Variants in CLINT1 observed in about 807,000 individuals in gnomAD.
The protein encoded by CLINT1 is clathrin interacting protein localized in the trans-Golgi region.
Under a neutral mutation model 70.4 loss-of-function variants are expected in CLINT1, and 15 were observed. The observed-to-expected ratio is 0.21, with a 90% confidence interval of 0.14 to 0.33. The LOEUF (loss-of-function observed/expected upper bound fraction) is 0.33, where lower values mean the gene tolerates loss of function less well. Ranked by LOEUF, CLINT1 falls within the 10% of genes least tolerant of loss-of-function variation. CLINT1 has a pLI of 1.00. For synonymous variants in CLINT1, 227 were observed against 254.7 expected (o/e 0.89, Z 1.04); for missense variants, 615 against 778.1 (o/e 0.79, Z 2.49).
intron 8 of CLINT1, chr5:157,796,277 C>T (rs1762064899): frequency 6.6e-6 from 1 of 152,174 alleles, no homozygotes; most frequent in South Asian, 2.1e-4. Flanking sequence ...CGTAACATTA[C>T]ATTCTGACAT....
intron 7 of CLINT1, among the ~76,000 whole-genome samples, chr5:157,804,252 T>C (rs550180483): frequency 9.8e-5 from 15 of 152,286 alleles, no homozygotes; most frequent in South Asian, 6.2e-4. Flanking sequence ...AAACTTATTG[T>C]TTGTATATCA....
chr5:157,823,488 T>C (rs570484985), intron 1 of CLINT1, among the ~76,000 whole-genome samples: 38 of 152,302 alleles, frequency 2.5e-4, no homozygotes, highest in African/African-American at 8.9e-4. Flanking sequence ...AACTAAAATA[T>C]ATACATACAG....
rs778280320 is a variant in CLINT1 at position 157,813,231 on chromosome 5, T to C, written c.353-4A>G. ...CCTTGATCCTTACCATGCTCATCTA[T>C]GAGGATGGTAAGAGATAAGCAAAAC... is the stretch of plus-strand genomic sequence containing the variant. On this transcript the variant is annotated splice_polypyrimidine_tract_variant and splice_region_variant and intron_variant, in intron 4 of 11. Transcript: ENST00000411809. The C allele has an allele frequency of 2.5e-5, 41 of 1,611,098 alleles. No homozygotes were observed. Among genetic ancestry groups the C allele is most frequent in the Non-Finnish European group, 3.5e-5 (41 of 1,179,372 alleles).
intron 1 of CLINT1, among the ~76,000 whole-genome samples, chr5:157,852,678 A>G (rs552084943): frequency 3.9e-5 from 6 of 152,240 alleles, no homozygotes; most frequent in Non-Finnish European, 8.8e-5. Flanking sequence ...ATTCTAACAC[A>G]TAAGATCACC....
chr5:157,791,620 G>A (rs1206633241), intron 10 of CLINT1, 83 bp downstream of exon 10: 3 of 1,309,544 alleles, frequency 2.3e-6, no homozygotes, highest in Non-Finnish European at 3.2e-6. Context: ...TTATTTTTCT[G>A]TTTTATACTA....
chr5:157,818,850 A>T (rs1762797340), intron 1 of CLINT1, among the ~76,000 whole-genome samples: 1 of 152,188 alleles, frequency 6.6e-6, no homozygotes, highest in South Asian at 2.1e-4. Flanking sequence ...AAGACTGCAA[A>T]AATGTGACAT....
chr5:157,822,092 G>A (rs545692278), intron 1 of CLINT1, among the ~76,000 whole-genome samples: 4 of 152,182 alleles, frequency 2.6e-5, no homozygotes, highest in African/African-American at 9.6e-5. Context: ...ATCTTGAATT[G>A]TACTCTCATA....
intron 1 of CLINT1, among the ~76,000 whole-genome samples, chr5:157,847,973 A>G (rs1753439059): frequency 6.6e-6 from 1 of 151,870 alleles, no homozygotes; most frequent in Non-Finnish European, 1.5e-5. Context: ...CACCTGACTA[A>G]TTTTTGTATT....
intron 8 of CLINT1, among the ~76,000 whole-genome samples, chr5:157,803,131 T>C (rs1332355462): frequency 1.3e-5 from 2 of 152,184 alleles, no homozygotes; most frequent in Non-Finnish European, 2.9e-5. Context: ...GACAGTAAAA[T>C]GCGCAGAGCA....
chr5:157,856,190 G>A (rs2113347949), intron 1 of CLINT1, among the ~76,000 whole-genome samples: 1 of 152,166 alleles, frequency 6.6e-6, no homozygotes, highest in South Asian at 2.1e-4. Flanking sequence ...GTCTACAGAG[G>A]ATAATGGCTC....
intron 6 of CLINT1, chr5:157,808,981 C>G (rs1762464876): frequency 6.6e-6 from 1 of 152,064 alleles, no homozygotes; most frequent in African/African-American, 2.4e-5. Context: ...AGACTACTAG[C>G]TTGAATAAAA....
chr5:157,853,261 C>A (rs1753634165), intron 1 of CLINT1, among the ~76,000 whole-genome samples: 3 of 151,378 alleles, frequency 2.0e-5, no homozygotes, highest in Non-Finnish European at 4.4e-5. Flanking sequence ...CTCGCTGGAA[C>A]CTGGGAGGCA....
chr5:157,813,209 T>G lies in CLINT1; in HGVS notation c.371A>C (p.Gln124Pro). The change falls in exon 5 of 12, where the codon CAA (glutamine) becomes CCA (proline). Residue 124 changes from glutamine to proline, a missense_variant. Gln to Pro is a moderately conservative substitution (Grantham distance 76). Coordinates refer to ENST00000411809, the MANE Select transcript of CLINT1 (RefSeq NM_014666.4). The stretch of plus-strand genomic sequence containing the variant: ...CACCTTCTGTCGAATATTTATACCT[T>G]GATCCTTACCATGCTCATCTATGAG... ...YHFVDEHGKD[Q>P]GINIRQKVKE... is the part of the protein sequence containing the mutation. 6.2e-7 allele frequency: 1 copy of G among 1,613,150 alleles called. No homozygotes were observed. The highest frequency in any genetic ancestry group is 1.1e-5 in the South Asian group (1 of 91,070).
At chr5:157,852,527 T>C (rs1394548746) in intron 1 of CLINT1, among the ~76,000 whole-genome samples, 1 of 152,226 alleles carries the variant, frequency 6.6e-6, no homozygotes, top group African/African-American at 2.4e-5. Flanking sequence ...TTTTCTAGTG[T>C]TATACTGTTT....
At chr5:157,854,462 G>C (rs2113342730) in intron 1 of CLINT1, among the ~76,000 whole-genome samples, 1 of 152,260 alleles carries the variant, frequency 6.6e-6, no homozygotes, top group South Asian at 2.1e-4. Flanking sequence ...AGGCGCAGCT[G>C]TGGTCCCAGC....
intron 1 of CLINT1, among the ~76,000 whole-genome samples, chr5:157,850,655 G>T (rs1003632309): frequency 1.3e-5 from 2 of 151,006 alleles, no homozygotes; most frequent in South Asian, 2.1e-4. Context: ...TAACCATGGG[G>T]GTTTAACTAC....
intron 9 of CLINT1, 143 bp from the exon 10 acceptor site, chr5:157,792,138 T>A (rs143091139): frequency 1.5e-6 from 1 of 679,688 alleles, no homozygotes; most frequent in African/African-American, 1.8e-5. Context: ...TGGACAGTAT[T>A]CTTTCTCATA....
intron 7 of CLINT1, among the ~76,000 whole-genome samples, chr5:157,804,722 C>T (rs1418280380): frequency 2.6e-5 from 4 of 151,900 alleles, no homozygotes; most frequent in African/African-American, 9.7e-5. Flanking sequence ...GTCGGGAGTT[C>T]GAGACTAGCC....
intron 1 of CLINT1, among the ~76,000 whole-genome samples, chr5:157,841,331 C>T (rs1225815206): frequency 1.3e-5 from 2 of 151,302 alleles, no homozygotes; most frequent in East Asian, 1.9e-4. Context: ...TTTGGGAGGC[C>T]GAGGTGGGCA....
Sources: allele counts gnomAD v4.1 joint callset (sites outside exome capture counted in the v4.1 genomes callset), GRCh38; gene constraint gnomAD v4.1.1; transcripts MANE v1.5; gene names NCBI Gene and HGNC (gene_info 2026-07-23, HGNC 2026-07-21).